ROR2: variants seen among roughly 807,000 people sequenced by gnomAD.
ROR2 encodes tyrosine-protein kinase transmembrane receptor ROR2.
ROR2 carries 33 observed loss-of-function variants against 74.9 expected under a neutral mutation model. The ratio of observed to expected loss-of-function variants is 0.44; its 90% CI spans 0.33 to 0.59. The LOEUF (loss-of-function observed/expected upper bound fraction) is 0.59. Among genes scored for constraint, ROR2 ranks in the 20% least tolerant of loss-of-function variants. The pLI is 0.02. For synonymous variants in ROR2, 586 were observed against 558.7 expected (o/e 1.05, Z -0.69); for missense variants, 1,216 against 1,313.8 (o/e 0.93, Z 1.15).
At position 91,724,554 on chromosome 9, in the gene ROR2, T is replaced by A; in HGVS notation, c.1940A>T (p.Lys647Met). ...FREVYAADYY[K>M]LLGNSLLPIR... ...AGGCAGCAGCGAGTTCCCCAGCAGCTTGTAGTAATCGGCGGCATACACCTC... is the reference window on the plus strand; with the variant it reads ...AGGCAGCAGCGAGTTCCCCAGCAGCATGTAGTAATCGGCGGCATACACCTC... The change falls in exon 9 of 9, where the codon AAG becomes ATG. Residue 647 changes from lysine to methionine, a missense_variant. Lys to Met is a moderately conservative substitution (Grantham distance 95, BLOSUM62 -1). Transcript: ENST00000375708. 6.2e-7 allele frequency: 1 copy of A among 1,614,162 alleles called. No homozygotes were observed. Among genetic ancestry groups the A allele is most frequent in the Non-Finnish European group, 8.5e-7 (1 of 1,180,016 alleles).
intron 1 of ROR2, among the ~76,000 whole-genome samples, chr9:91,923,064 G>A (rs1831313687): frequency 6.6e-6 from 1 of 152,130 alleles, no homozygotes; most frequent in South Asian, 2.1e-4. Flanking sequence ...ATAGATGTCT[G>A]TTACCTAAGT....
At chr9:91,741,841 A>T (rs1266568887) in intron 4 of ROR2, among the ~76,000 whole-genome samples, 2 of 152,222 alleles carry the variant, frequency 1.3e-5, no homozygotes, top group Non-Finnish European at 2.9e-5. Context: ...ATGCAGCTGT[A>T]TCAAAACTCA....
At chr9:91,943,435 A>G (rs7863425) in intron 1 of ROR2, among the ~76,000 whole-genome samples, 21,985 of 152,054 alleles carry the variant, frequency 0.14, 3,501 homozygotes, top group African/African-American at 0.4. Flanking sequence ...GATACCTCCA[A>G]TTCCAATTCA....
intron 1 of ROR2, among the ~76,000 whole-genome samples, chr9:91,788,644 C>T (rs1826873438): frequency 1.3e-5 from 2 of 152,050 alleles, no homozygotes; most frequent in Admixed American, 1.3e-4. Context: ...GTGGGCAGAT[C>T]ACCTGAGATC....
chr9:91,801,543 C>T (rs764521224), intron 1 of ROR2, among the ~76,000 whole-genome samples: 5 of 152,070 alleles, frequency 3.3e-5, no homozygotes, highest in Non-Finnish European at 5.9e-5. Flanking sequence ...ATGTTGGCCA[C>T]GATGGTCTTG....
Position 91,757,271 on chromosome 9 carries a change from C to T in ROR2, c.463+1G>A. On this transcript the variant is annotated splice_donor_variant, in intron 3 of 8. Transcript: ENST00000375708. LOFTEE classifies it high-confidence loss of function. ...CCACACAATTTCACTGTCCAACTCA[C>T]CCAGCCGCACAAACAGGACGCCAGT... The T allele has an allele frequency of 6.2e-7, 1 of 1,613,948 alleles. No individual in the cohort carries two copies. The highest frequency in any genetic ancestry group is 8.5e-7 in the Non-Finnish European group (1 of 1,179,972).
At chr9:91,745,253 G>C (rs960750989) in intron 4 of ROR2, among the ~76,000 whole-genome samples, 1 of 151,682 alleles carries the variant, frequency 6.6e-6, no homozygotes, top group Non-Finnish European at 1.5e-5. Context: ...AGTCTCCCAA[G>C]TAGCTGGGAT....
At chr9:91,878,756 C>G (rs1201003496) in intron 1 of ROR2, among the ~76,000 whole-genome samples, 1 of 152,226 alleles carries the variant, frequency 6.6e-6, no homozygotes, top group East Asian at 1.9e-4. Context: ...CAACAAGAAA[C>G]TCATTACAGA....
At chr9:91,926,692 G>A (rs910144674) in intron 1 of ROR2, among the ~76,000 whole-genome samples, 1 of 151,508 alleles carries the variant, frequency 6.6e-6, no homozygotes, top group African/African-American at 2.4e-5. Context: ...AGAGTATTAC[G>A]TCCGGGTGAA....
intron 1 of ROR2, among the ~76,000 whole-genome samples, chr9:91,834,954 T>G (rs1408582590): frequency 6.6e-6 from 1 of 151,180 alleles, no homozygotes; most frequent in Non-Finnish European, 1.5e-5. Flanking sequence ...GCTTTTCCAG[T>G]CCAGCACAGG....
At chr9:91,788,236 C>T (rs892993637) in intron 1 of ROR2, among the ~76,000 whole-genome samples, 2 of 151,482 alleles carry the variant, frequency 1.3e-5, no homozygotes, top group African/African-American at 4.9e-5. Context: ...ATCAAGAATA[C>T]CAACACATAC....
chr9:91,755,243 G>A (rs1173478315), intron 4 of ROR2, among the ~76,000 whole-genome samples: 1 of 152,230 alleles, frequency 6.6e-6, no homozygotes, highest in East Asian at 1.9e-4. Context: ...CCAACGTGGT[G>A]TTGCAGCACA....
rs146801704 is a variant in ROR2 at position 91,802,755 on chromosome 9, G to C, written c.98-26937C>G. Among the ~76,000 whole-genome samples, 284 of 152,268 alleles carry C rather than the reference G, an allele frequency of 1.9e-3. 1 individual carries two copies. The highest frequency in any genetic ancestry group is 6.4e-3 in the African/African-American group (268 of 41,552). ...CGCAGAAAGCCAAGGTGGAAAGAAC[G>C]TGAGAGGTTTTCCTGGTCTCCCAAT... On this transcript the variant is annotated intron_variant, in intron 1 of 8. Coordinates refer to ENST00000375708, the MANE Select transcript of ROR2 (RefSeq NM_004560.4).
chr9:91,747,624 TC>T (rs1192209155), intron 4 of ROR2, among the ~76,000 whole-genome samples: 1 of 152,238 alleles, frequency 6.6e-6, no homozygotes, highest in Non-Finnish European at 1.5e-5. Flanking sequence ...AAAAGAGGTG[TC>T]ACTGATTGAT....
chr9:91,908,012 G>A (rs1830862836), intron 1 of ROR2, among the ~76,000 whole-genome samples: 1 of 152,234 alleles, frequency 6.6e-6, no homozygotes, highest in Non-Finnish European at 1.5e-5. Flanking sequence ...GACACTAATT[G>A]TTGTGGGAAA....
chr9:91,843,177 A>T (rs1054564058), intron 1 of ROR2, among the ~76,000 whole-genome samples: 11 of 152,216 alleles, frequency 7.2e-5, no homozygotes, highest in Non-Finnish European at 1.6e-4. Flanking sequence ...GAAAAAACAC[A>T]GTGGCCTGCG....
chr9:91,873,910 C>T (rs1164120459), intron 1 of ROR2, among the ~76,000 whole-genome samples: 2 of 152,174 alleles, frequency 1.3e-5, no homozygotes, highest in African/African-American at 4.8e-5. Context: ...TTAACTTTCG[C>T]TTCTCCTCAG....
chr9:91,821,093 T>C (rs1420602201), intron 1 of ROR2, among the ~76,000 whole-genome samples: 1 of 142,716 alleles, frequency 7.0e-6, no homozygotes, highest in Non-Finnish European at 1.5e-5. Flanking sequence ...AGAATGAGAC[T>C]TCGTCTCAAA....
intron 4 of ROR2, among the ~76,000 whole-genome samples, chr9:91,746,858 GT>G (rs1305112057): frequency 2.0e-3 from 13 of 6,406 alleles, no homozygotes; most frequent in Non-Finnish European, 2.8e-3. Flanking sequence ...CCTTGAGCAG[GT>G]GTGTGTGTGT....
Sources: gnomAD v4.1 joint callset for allele counts (sites outside exome capture counted in the v4.1 genomes callset) on GRCh38, gnomAD v4.1.1 for gene constraint, MANE v1.5 for transcripts, NCBI Gene and HGNC (gene_info 2026-07-23, HGNC 2026-07-21) for gene names.